LTBP2: variants seen among roughly 807,000 people sequenced by gnomAD.
The protein encoded by LTBP2 is latent transforming growth factor beta binding protein 2, also known as latent-transforming growth factor beta-binding protein 2.
In LTBP2, 103 loss-of-function variants were observed where a neutral mutation model predicts 210.6. The observed-to-expected ratio is 0.49, with a 90% CI of 0.42 to 0.58. The LOEUF is 0.58. LTBP2 is among the 20% of genes least tolerant of loss of function. The pLI is 0.00. For synonymous variants in LTBP2, 1,007 were observed against 1,015.0 expected, an observed-to-expected ratio of 0.99 and a Z score of 0.15; for missense variants, 2,313 against 2,494.5, an observed-to-expected ratio of 0.93 and a Z score of 1.55.
At chr14:74,539,949 G>GC (rs2087471345) in intron 8 of LTBP2, among the ~76,000 whole-genome samples, 2 of 152,172 alleles carry the variant, frequency 1.3e-5, no homozygotes, top group Admixed American at 6.5e-5. Flanking sequence ...AGGGGAACCT[G>GC]CCCCTCTGCT....
In LTBP2 at chr14:74,499,613, T is replaced by TAA. The variant is rs980749268; in HGVS notation, c.*1269_*1270dup. The TAA allele has an allele frequency of 2.2e-5, 5 of 227,694 alleles. No homozygotes were observed. Among genetic ancestry groups the TAA allele is most frequent in the African/African-American group, 1.1e-4 (5 of 44,988 alleles). The allele number at this position is 227,694 out of a possible 1,614,324, so 14.1% of individuals were successfully genotyped here. A position where few individuals can be genotyped will look rare whatever the true frequency, so the allele number is the denominator to read the frequency against. On this transcript the variant is annotated 3_prime_UTR_variant, in exon 36 of 36. Coordinates refer to ENST00000261978, the MANE Select transcript of LTBP2 (RefSeq NM_000428.3). ...CAGAGCTTTCCTTGTCTTTTAATAG[T>TAA]AAAGAGTCATTTCCCATTGGAACCC... is the stretch of plus-strand genomic sequence containing the variant.
intron 16 of LTBP2, 78 bp from the exon 17 acceptor site, chr14:74,522,117 A>G: frequency 6.6e-7 from 1 of 1,510,656 alleles, no homozygotes; most frequent in East Asian, 2.4e-5. Context: ...CAACCTGCCC[A>G]CACTAGGGGC....
Position 74,498,840 on chromosome 14 carries a change from C to T in LTBP2, c.*2044G>A, listed in dbSNP as rs73296214. On this transcript the variant is annotated 3_prime_UTR_variant, in exon 36 of 36. Transcript: ENST00000261978. The stretch of plus-strand genomic sequence containing the variant: ...ATGCTGTTATGCAACCCTCCCTTTT[C>T]CCCTTAATTTGTTTTGGATATCTTT... 2,350 of 229,274 alleles carry T rather than the reference C, an allele frequency of 0.01. 43 individuals carry two copies. The highest frequency in any genetic ancestry group is 0.049 in the African/African-American group (2,215 of 45,228). The allele number at this position is 229,274 out of a possible 1,614,324, so 14.2% of individuals were successfully genotyped here. A position where few individuals can be genotyped will look rare whatever the true frequency, so the allele number is the denominator to read the frequency against.
chr14:74,517,238 G>T (rs1051429210), intron 17 of LTBP2, among the ~76,000 whole-genome samples: 6 of 152,136 alleles, frequency 3.9e-5, no homozygotes, highest in Admixed American at 2.6e-4. Flanking sequence ...GGCTGATCTG[G>T]AGGTGGGGTA....
chr14:74,568,531 A>T (rs556453156), intron 3 of LTBP2, among the ~76,000 whole-genome samples: 1 of 152,250 alleles, frequency 6.6e-6, no homozygotes, highest in African/African-American at 2.4e-5. Context: ...GACCTGTCTG[A>T]TTAAAGAGAA....
In LTBP2 at chr14:74,510,160, G is replaced by T. The variant is rs1430555913; in HGVS notation, c.3082C>A (p.Leu1028Ile). ...GVCAHGKCTNLEGSFRCSCEQ... is the reference protein window; with the variant it reads ...GVCAHGKCTNIEGSFRCSCEQ... ...CAAGAGCATCTGAAGGAGCCTTCTAGGTTGGTGCACTTTCCATGGGCACAG... is the reference window on the plus strand; with the variant it reads ...CAAGAGCATCTGAAGGAGCCTTCTATGTTGGTGCACTTTCCATGGGCACAG... Residue 1028 changes from leucine to isoleucine, a missense_variant, in exon 20 of 36, where the codon CTA becomes ATA. By Grantham distance (5) the Leu-to-Ile change is conservative (BLOSUM62 2). Around this residue, in one of 3 missense-constraint regions of LTBP2, gnomAD observed 1,867 missense variants for 1,976.9 expected, o/e 0.94. Transcript: ENST00000261978. 2 of 1,614,092 alleles carry T rather than the reference G, an allele frequency of 1.2e-6. No individual in the cohort carries two copies. Among genetic ancestry groups the T allele is most frequent in the Non-Finnish European group, 1.7e-6 (2 of 1,180,022 alleles).
intron 15 of LTBP2, among the ~76,000 whole-genome samples, chr14:74,523,682 C>T (rs2087236863): frequency 6.6e-6 from 1 of 152,102 alleles, no homozygotes; most frequent in Non-Finnish European, 1.5e-5. Flanking sequence ...AACGGTATCC[C>T]TAATACTAGA....
intron 18 of LTBP2, among the ~76,000 whole-genome samples, chr14:74,512,024 G>T (rs889519924): frequency 6.6e-6 from 1 of 152,212 alleles, no homozygotes; most frequent in Non-Finnish European, 1.5e-5. Flanking sequence ...GTTAAGCCTG[G>T]ACACCAAATG....
intron 8 of LTBP2, among the ~76,000 whole-genome samples, chr14:74,544,984 G>A (rs960483116): frequency 2.6e-5 from 4 of 152,120 alleles, no homozygotes; most frequent in African/African-American, 7.2e-5. Flanking sequence ...TTCTCTTAAC[G>A]CAGGCCGGGG....
At chr14:74,577,327 C>A (rs4903243) in intron 3 of LTBP2, among the ~76,000 whole-genome samples, 9,901 of 152,186 alleles carry the variant, frequency 0.065, 350 homozygotes, top group Middle Eastern at 0.11. Context: ...ACAGAAGATG[C>A]AGGCTGCTTA....
rs1438264328 is a variant in LTBP2 at position 74,526,055 on chromosome 14, C to T, written c.2428+20G>A. The T allele has an allele frequency of 7.5e-6, 12 of 1,597,454 alleles. No individual in the cohort carries two copies. Among genetic ancestry groups the T allele is most frequent in the African/African-American group, 5.4e-5 (4 of 74,572 alleles). On this transcript the variant is annotated intron_variant, in intron 14 of 35. Transcript: ENST00000261978. ...CCTCCCTTCTCTTTTGCCTAGGAGC[C>T]GCCAGGAAGAGGGACTCACCTGTGA...
chr14:74,575,520 T>G (rs2088046484), intron 3 of LTBP2, among the ~76,000 whole-genome samples: 1 of 152,208 alleles, frequency 6.6e-6, no homozygotes, highest in East Asian at 1.9e-4. Context: ...GGACAACCCC[T>G]GGTGTTGTGT....
At position 74,503,307 on chromosome 14, in the gene LTBP2, A is replaced by G. The variant is rs1323780116; in HGVS notation, c.4800T>C (p.Arg1600=). ...ATTCCGTGTAGGTGGTGCGGTGCCC[A>G]CGCAGGGGTTCGCTGCACACATCAT... ...VTNDVCSEPL[R]GHRTTYTECC... Residue 1600 remains arginine (R), a synonymous_variant, in exon 33 of 36, where the codon CGT becomes CGC. Coordinates refer to ENST00000261978, the MANE Select transcript of LTBP2 (RefSeq NM_000428.3). The G allele has an allele frequency of 6.2e-7, 1 of 1,614,046 alleles. No individual in the cohort carries two copies. The highest frequency in any genetic ancestry group is 8.5e-7 in the Non-Finnish European group (1 of 1,180,026).
intron 8 of LTBP2, among the ~76,000 whole-genome samples, chr14:74,543,914 C>T (rs2087546908): frequency 1.3e-5 from 2 of 152,154 alleles, no homozygotes; most frequent in South Asian, 4.1e-4. Flanking sequence ...ACAGTGAGGT[C>T]GAAAAAGAGT....
intron 1 of LTBP2, among the ~76,000 whole-genome samples, chr14:74,604,164 CAAAAAAAAAAA>C (rs59313477): frequency 2.7e-5 from 2 of 72,750 alleles, no homozygotes; most frequent in Non-Finnish European, 4.6e-5. Context: ...TGCCTCTCAC[CAAAAAAAAAAA>C]AAAAAAAAAC....
intron 8 of LTBP2, among the ~76,000 whole-genome samples, chr14:74,544,253 A>C (rs973509199): frequency 6.6e-6 from 1 of 152,174 alleles, no homozygotes; most frequent in Non-Finnish European, 1.5e-5. Context: ...CTGTTCCCCA[A>C]GCTGGGGTCC....
At chr14:74,601,000 A>G (rs1390908028) in intron 2 of LTBP2, among the ~76,000 whole-genome samples, 2 of 152,292 alleles carry the variant, frequency 1.3e-5, no homozygotes, top group Non-Finnish European at 2.9e-5. Context: ...AGATCTTCCT[A>G]TGACTGACCC....
Position 74,509,829 on chromosome 14 carries a change from C to A in LTBP2, c.3182G>T (p.Cys1061Phe), listed in dbSNP as rs1322537682. 6.2e-7 allele frequency: 1 copy of A among 1,613,966 alleles called. No homozygotes were observed. Among genetic ancestry groups the A allele is most frequent in the African/African-American group, 1.3e-5 (1 of 74,926 alleles). The change falls in exon 21 of 36, where the codon TGC becomes TTC. Residue 1061 changes from cysteine (C) to phenylalanine (F), a missense_variant. Cys to Phe is a radical substitution (Grantham distance 205, BLOSUM62 -2). Coordinates refer to ENST00000261978, the MANE Select transcript of LTBP2 (RefSeq NM_000428.3). ...DVDECASRASCPTGLCLNTEG... is the reference protein window; with the variant it reads ...DVDECASRASFPTGLCLNTEG... ...CGTGTTGAGGCAGAGGCCTGTGGGG[C>A]ATGAGGCCCGGCTGGCACACTCATC...
intron 3 of LTBP2, among the ~76,000 whole-genome samples, chr14:74,566,956 A>G (rs897210529): frequency 6.6e-6 from 1 of 152,196 alleles, no homozygotes; most frequent in Non-Finnish European, 1.5e-5. Context: ...ATTCCCCAGC[A>G]CACAGACCCC....
Sources: allele counts gnomAD v4.1 joint callset (sites outside exome capture counted in the v4.1 genomes callset), GRCh38; gene constraint gnomAD v4.1.1; regional missense constraint gnomAD v4.1.1; transcripts MANE v1.5; gene names NCBI Gene and HGNC (gene_info 2026-07-23, HGNC 2026-07-21).